The following ZBBX variants were observed in gnomAD, a reference collection of about 807,000 sequenced individuals.
ZBBX encodes the protein zinc finger B-box domain-containing protein 1.
ZBBX carries 101 observed loss-of-function variants against 108.5 expected under a neutral mutation model. The observed-to-expected ratio is 0.93, with a 90% CI of 0.79 to 1.10. The LOEUF is 1.10. ZBBX is among the 50% of genes least tolerant of loss of function. The probability of loss-of-function intolerance (pLI) is 0.00; values close to 1 mark genes in which losing one functional copy is unlikely to be tolerated. For synonymous variants in ZBBX, 356 were observed against 323.4 expected (o/e 1.10, Z -1.08); for missense variants, 1,009 against 941.4 (o/e 1.07, Z -0.94).
At chr3:167,263,728 G>A (rs1406973877) in intron 20 of ZBBX, among the ~76,000 whole-genome samples, 1 of 152,110 alleles carries the variant, frequency 6.6e-6, no homozygotes, top group African/African-American at 2.4e-5. Flanking sequence ...TATCTATTAG[G>A]TCCAGTTGTT....
the ZBBX span, among the ~76,000 whole-genome samples, chr3:167,215,975 T>G: frequency 7.0e-4 from 106 of 152,272 alleles, no homozygotes; most frequent in African/African-American, 2.4e-3. Context: ...TGAAGAAACA[T>G]ACCTCAAAAT....
intron 20 of ZBBX, among the ~76,000 whole-genome samples, chr3:167,267,293 G>T (rs1032951141): frequency 9.2e-5 from 14 of 152,164 alleles, no homozygotes; most frequent in African/African-American, 3.4e-4. Flanking sequence ...AGGGTACAAG[G>T]AACCTTCAGC....
chr3:167,276,247 C>A (rs1200180799), intron 20 of ZBBX, among the ~76,000 whole-genome samples: 3 of 152,220 alleles, frequency 2.0e-5, no homozygotes, highest in African/African-American at 7.2e-5. Context: ...TGGAGAATGA[C>A]TTTGACGAGC....
intron 19 of ZBBX, among the ~76,000 whole-genome samples, chr3:167,283,206 A>G (rs919987126): frequency 6.6e-6 from 1 of 152,142 alleles, no homozygotes; most frequent in Non-Finnish European, 1.5e-5. Context: ...TTTCTTCAAC[A>G]TGTTTGCTCC....
the ZBBX span, among the ~76,000 whole-genome samples, chr3:167,211,632 C>T: frequency 6.6e-6 from 1 of 151,788 alleles, no homozygotes; most frequent in Non-Finnish European, 1.5e-5. Context: ...TGAACCATTC[C>T]AGCCTTCAGG....
chr3:167,388,109 G>C (rs1321065422), intron 1 of ZBBX, among the ~76,000 whole-genome samples: 1 of 151,912 alleles, frequency 6.6e-6, no homozygotes, highest in Non-Finnish European at 1.5e-5. Context: ...CACCTTTCTA[G>C]GATGAGATCC....
chr3:167,236,323 T>C (rs1269895049), downstream of ZBBX, among the ~76,000 whole-genome samples: 1 of 151,908 alleles, frequency 6.6e-6, no homozygotes, highest in South Asian at 2.1e-4. Context: ...GGATCACTTA[T>C]GTCAACTTGC....
intron 19 of ZBBX, 94 bp downstream of exon 19, chr3:167,288,773 C>T (rs1271400653): frequency 3.3e-6 from 2 of 602,258 alleles, no homozygotes; most frequent in Non-Finnish European, 5.2e-6. Flanking sequence ...ACTTCAAAAA[C>T]TAAATTGCAG....
At chr3:167,189,330 A>G in the ZBBX span, among the ~76,000 whole-genome samples, 1 of 151,952 alleles carries the variant, frequency 6.6e-6, no homozygotes, top group Non-Finnish European at 1.5e-5. Flanking sequence ...GCATCTGGAG[A>G]CTCTTTCTTA....
chr3:167,281,139 A>G (rs1000453197), intron 20 of ZBBX, among the ~76,000 whole-genome samples: 8 of 152,160 alleles, frequency 5.3e-5, no homozygotes, highest in African/African-American at 1.7e-4. Flanking sequence ...GCATTGGGCA[A>G]TATACCTAAT....
At chr3:167,343,553 AG>A (rs553652865) in intron 9 of ZBBX, among the ~76,000 whole-genome samples, 11 of 151,902 alleles carry the variant, frequency 7.2e-5, no homozygotes, top group Non-Finnish European at 1.3e-4. Context: ...TCCCACATCC[AG>A]GTCTTCGAAA....
chr3:167,376,993 A>G (rs1747057250), intron 2 of ZBBX, among the ~76,000 whole-genome samples: 1 of 152,190 alleles, frequency 6.6e-6, no homozygotes, highest in African/African-American at 2.4e-5. Context: ...TTACTATGCA[A>G]AACTTATACT....
At chr3:167,392,730 A>T (rs2108637706) in intron 1 of ZBBX, 1 of 151,972 alleles carries the variant, frequency 6.6e-6, no homozygotes, top group Non-Finnish European at 1.5e-5. Flanking sequence ...AGAAAGAAAG[A>T]CAAAAAGAAA....
At chr3:167,278,294 A>C (rs1728062692) in intron 20 of ZBBX, among the ~76,000 whole-genome samples, 1 of 149,744 alleles carries the variant, frequency 6.7e-6, no homozygotes, top group African/African-American at 2.5e-5. Context: ...CCCTTCAAAA[A>C]ATTAATGAAT....
intron 4 of ZBBX, among the ~76,000 whole-genome samples, 177 bp downstream of exon 4, chr3:167,372,657 A>G (rs1746331748): frequency 6.6e-6 from 1 of 152,190 alleles, no homozygotes; most frequent in Non-Finnish European, 1.5e-5. Context: ...TGGAATAAAT[A>G]TTTTTAATCC....
intron 9 of ZBBX, among the ~76,000 whole-genome samples, chr3:167,338,644 T>A (rs1739988230): frequency 6.6e-6 from 1 of 152,092 alleles, no homozygotes; most frequent in Admixed American, 6.6e-5. Context: ...CTTGCATTGA[T>A]TTTTCAGTCA....
rs369403898 is a variant in ZBBX at position 167,322,416 on chromosome 3, G to GGACT, written c.863-183_863-180dup. 1.9e-3 allele frequency among the ~76,000 whole-genome samples: 289 copies of GGACT among 152,006 alleles called. 1 individual carries two copies. Among genetic ancestry groups the GGACT allele is most frequent in the African/African-American group, 6.7e-3 (278 of 41,512 alleles). On this transcript the variant is annotated intron_variant, in intron 11 of 21. Coordinates refer to ENST00000675490, the MANE Select transcript of ZBBX (RefSeq NM_001199201.2). ...TATTAAATATTGGTAATTTATTAAG[G>GGACT]GACTGGATAGACAGTTTTCTTCAAC...
intron 8 of ZBBX, among the ~76,000 whole-genome samples, chr3:167,351,545 T>C (rs1202010245): frequency 6.6e-6 from 1 of 152,162 alleles, no homozygotes; most frequent in Non-Finnish European, 1.5e-5. Flanking sequence ...GGATTTCCAA[T>C]GCTCCTCATT....
the ZBBX span, among the ~76,000 whole-genome samples, chr3:167,229,208 C>G: frequency 2.6e-5 from 4 of 151,694 alleles, no homozygotes; most frequent in African/African-American, 9.7e-5. Context: ...ATTTCTGCTA[C>G]GTAAGTTTTG....
Sources: gnomAD v4.1 joint callset for allele counts (sites outside exome capture counted in the v4.1 genomes callset) on GRCh38, gnomAD v4.1.1 for gene constraint, MANE v1.5 for transcripts, NCBI Gene and HGNC (gene_info 2026-07-23, HGNC 2026-07-21) for gene names.